Variants in XRCC4 observed in about 807,000 individuals in gnomAD.
XRCC4 encodes the protein DNA repair protein XRCC4.
Under a neutral mutation model 39.1 loss-of-function variants are expected in XRCC4, and 28 were observed. The observed-to-expected ratio is 0.72, with a 90% CI of 0.53 to 0.98. XRCC4 has a LOEUF of 0.98. Ranked by LOEUF, XRCC4 falls within the 50% of genes least tolerant of loss-of-function variation. The probability of loss-of-function intolerance (pLI) is 0.00; values close to 1 mark genes in which losing one functional copy is unlikely to be tolerated. For synonymous variants in XRCC4, 123 were observed against 126.4 expected (o/e 0.97, Z 0.18); for missense variants, 350 against 376.4 (o/e 0.93, Z 0.58).
At chr5:83,284,419 G>C (rs987298427) in intron 7 of XRCC4, among the ~76,000 whole-genome samples, 2 of 152,044 alleles carry the variant, frequency 1.3e-5, no homozygotes, top group Admixed American at 6.6e-5. Context: ...TTGCTTAAAA[G>C]AATTGTAATT....
chr5:83,239,698 G>A (rs1169519576), intron 6 of XRCC4, among the ~76,000 whole-genome samples: 2 of 151,984 alleles, frequency 1.3e-5, no homozygotes, highest in Admixed American at 6.5e-5. Context: ...GCATGGTGGC[G>A]GGCACCTGTA....
intron 7 of XRCC4, among the ~76,000 whole-genome samples, chr5:83,311,883 TTAATA>T (rs1344296592): frequency 6.6e-6 from 1 of 152,092 alleles, no homozygotes; most frequent in Non-Finnish European, 1.5e-5. Flanking sequence ...ATATAGCCTT[TTAATA>T]TATTTTATAA....
intron 3 of XRCC4, among the ~76,000 whole-genome samples, chr5:83,179,912 A>G (rs970442090): frequency 6.6e-6 from 1 of 152,172 alleles, no homozygotes; most frequent in Non-Finnish European, 1.5e-5. Flanking sequence ...AAGAGTTCAT[A>G]CTTGATCTGG....
At chr5:83,365,244 A>T in the XRCC4 span, among the ~76,000 whole-genome samples, 1 of 152,174 alleles carries the variant, frequency 6.6e-6, no homozygotes. Flanking sequence ...ACTGATGGAC[A>T]TCCATCTTCA....
At chr5:83,204,774 G>A (rs764985076) in intron 5 of XRCC4, 41 bp from the exon 6 acceptor site, 1 of 1,508,056 alleles carries the variant, frequency 6.6e-7, no homozygotes. Context: ...CTAGCAGGGG[G>A]TGAGCCAGTT....
intron 7 of XRCC4, among the ~76,000 whole-genome samples, chr5:83,344,909 T>G (rs1756874194): frequency 6.6e-6 from 1 of 152,198 alleles, no homozygotes; most frequent in Non-Finnish European, 1.5e-5. Flanking sequence ...TCCTCCAAAA[T>G]ATTTGATATT....
At chr5:83,343,657 G>A (rs752394136) in intron 7 of XRCC4, among the ~76,000 whole-genome samples, 3 of 152,204 alleles carry the variant, frequency 2.0e-5, no homozygotes, top group Non-Finnish European at 2.9e-5. Context: ...TTTTAGAGTC[G>A]TTCCTTTTTT....
At chr5:83,349,939 A>G (rs1287839645) in intron 7 of XRCC4, among the ~76,000 whole-genome samples, 2 of 151,974 alleles carry the variant, frequency 1.3e-5, no homozygotes, top group East Asian at 1.9e-4. Flanking sequence ...AGTAATCCCC[A>G]GTGTCTATTG....
At chr5:83,212,925 TA>T (rs777025309) in intron 6 of XRCC4, among the ~76,000 whole-genome samples, 121 of 61,584 alleles carry the variant, frequency 2.0e-3, no homozygotes, top group Admixed American at 3.7e-3. Flanking sequence ...AGATTCCATC[TA>T]AAAAAAAAAA....
intron 3 of XRCC4, among the ~76,000 whole-genome samples, chr5:83,111,802 G>A (rs540013097): frequency 6.6e-6 from 1 of 152,190 alleles, no homozygotes; most frequent in African/African-American, 2.4e-5. Flanking sequence ...ATTTATTAAA[G>A]TCTGGCACTA....
At chr5:83,197,253 C>G (rs1165780232) in intron 4 of XRCC4, among the ~76,000 whole-genome samples, 2 of 152,050 alleles carry the variant, frequency 1.3e-5, no homozygotes, top group East Asian at 3.9e-4. Context: ...GAATCAGTAT[C>G]AGATATCTGT....
intron 7 of XRCC4, among the ~76,000 whole-genome samples, chr5:83,287,724 T>C (rs1754784371): frequency 6.6e-6 from 1 of 151,944 alleles, no homozygotes; most frequent in Non-Finnish European, 1.5e-5. Flanking sequence ...ATGTCATATA[T>C]TCATCTTTTC....
At chr5:83,146,520 C>T (rs1748460784) in intron 3 of XRCC4, among the ~76,000 whole-genome samples, 1 of 152,078 alleles carries the variant, frequency 6.6e-6, no homozygotes, top group Non-Finnish European at 1.5e-5. Flanking sequence ...CTCAAAATTG[C>T]TTAAAATTGA....
rs375836948 is a variant in XRCC4 at position 83,108,697 on chromosome 5, C to T, written c.140-2331C>T. Among the ~76,000 whole-genome samples the T allele has an allele frequency of 3.4e-3, 514 of 151,578 alleles. 30 individuals carry two copies. In the South Asian group the frequency reaches 0.1, roughly 30 times the overall value. ...TGTTTTCTTCAAGTTTTTCTATGGC[C>T]GCATTAAAGATGGCATCTACAAATT... On this transcript the variant is annotated intron_variant, in intron 2 of 7. Coordinates refer to ENST00000396027, the MANE Select transcript of XRCC4 (RefSeq NM_003401.5).
intron 7 of XRCC4, among the ~76,000 whole-genome samples, chr5:83,344,185 G>A (rs1756849214): frequency 6.6e-6 from 1 of 150,662 alleles, no homozygotes; most frequent in African/African-American, 2.4e-5. Context: ...GAGTAATATT[G>A]CATAGTTTTG....
At chr5:83,139,915 C>T (rs570646976) in intron 3 of XRCC4, among the ~76,000 whole-genome samples, 2 of 152,292 alleles carry the variant, frequency 1.3e-5, no homozygotes, top group South Asian at 2.1e-4. Flanking sequence ...CATACATATA[C>T]ATTCACACAT....
intron 3 of XRCC4, among the ~76,000 whole-genome samples, chr5:83,155,263 G>T (rs1341087232): frequency 2.0e-5 from 3 of 152,108 alleles, no homozygotes; most frequent in African/African-American, 7.2e-5. Flanking sequence ...TTCCTTGGAG[G>T]ACTACTCATC....
chr5:83,228,788 C>T (rs1335390519), intron 6 of XRCC4, among the ~76,000 whole-genome samples: 1 of 152,002 alleles, frequency 6.6e-6, no homozygotes, highest in South Asian at 2.1e-4. Flanking sequence ...CTCACTTTAC[C>T]AGTTTTGGCA....
chr5:83,150,956 G>T (rs1158442933), intron 3 of XRCC4, among the ~76,000 whole-genome samples: 1 of 151,870 alleles, frequency 6.6e-6, no homozygotes, highest in Non-Finnish European at 1.5e-5. Flanking sequence ...TGGAGTGAAT[G>T]GATTGTTTAT....
Sources: gnomAD v4.1 joint callset for allele counts (sites outside exome capture counted in the v4.1 genomes callset) on GRCh38, gnomAD v4.1.1 for gene constraint, MANE v1.5 for transcripts, NCBI Gene and HGNC (gene_info 2026-07-23, HGNC 2026-07-21) for gene names.